Variants in MLLT10 observed in about 807,000 individuals in gnomAD.
The protein encoded by MLLT10 is MLLT10 histone lysine methyltransferase DOT1L cofactor.
A neutral mutation model predicts 129.1 loss-of-function variants in MLLT10; 30 were observed. That is an observed-to-expected ratio of 0.23 (90% CI 0.17 to 0.32). The LOEUF (loss-of-function observed/expected upper bound fraction) is 0.32, where lower values mean the gene tolerates loss of function less well. Among genes scored for constraint, MLLT10 ranks in the 10% least tolerant of loss-of-function variants. The pLI is 1.00. For missense variants in MLLT10, 1,119 were observed against 1,268.3 expected, an observed-to-expected ratio of 0.88 and a Z score of 1.79; for synonymous variants, 490 against 446.4, an observed-to-expected ratio of 1.10 and a Z score of -1.23.
chr10:21,623,774 C>G (rs1564528063), intron 8 of MLLT10, among the ~76,000 whole-genome samples: 1 of 152,174 alleles, frequency 6.6e-6, no homozygotes, highest in Non-Finnish European at 1.5e-5. Flanking sequence ...CTATCCCACT[C>G]AATCTGAAAA....
intron 21 of MLLT10, among the ~76,000 whole-genome samples, chr10:21,735,641 AG>A (rs919892868): frequency 6.6e-6 from 1 of 152,296 alleles, no homozygotes; most frequent in East Asian, 1.9e-4. Context: ...CGCCTCTGCA[AG>A]GGGGGTGACT....
intron 10 of MLLT10, 119 bp from the exon 11 acceptor site, chr10:21,673,222 GTTAATTTTT>G (rs1195248726): frequency 1.8e-6 from 1 of 544,148 alleles, no homozygotes; most frequent in East Asian, 3.1e-5. Flanking sequence ...AAGTGTTGTA[GTTAATTTTT>G]TTAAACTCTT....
intron 8 of MLLT10, among the ~76,000 whole-genome samples, chr10:21,631,919 AGTTTTTTTTTTG>A (rs1406569487): frequency 7.5e-6 from 1 of 134,146 alleles, no homozygotes; most frequent in East Asian, 2.1e-4. Flanking sequence ...CAACTTGAAG[AGTTTTTTTTTTG>A]GTTTTTTTTT....
intron 3 of MLLT10, among the ~76,000 whole-genome samples, chr10:21,542,579 A>G (rs2035371227): frequency 6.6e-6 from 1 of 152,080 alleles, no homozygotes; most frequent in African/African-American, 2.4e-5. Context: ...AAAAAAATAT[A>G]TATATATTAG....
intron 3 of MLLT10, among the ~76,000 whole-genome samples, chr10:21,547,295 C>A (rs1380722876): frequency 2.0e-5 from 3 of 152,096 alleles, no homozygotes; most frequent in African/African-American, 4.8e-5. Context: ...GTCTTAATAT[C>A]TGTACTCCGT....
At position 21,740,137 on chromosome 10, in the gene MLLT10, A is replaced by G. The variant is rs2058707792; in HGVS notation, c.3063A>G (p.Ile1021Met). The G allele has an allele frequency of 6.2e-7, 1 of 1,614,038 alleles. No homozygotes were observed. The highest frequency in any genetic ancestry group is 1.7e-5 in the Admixed American group (1 of 59,986). The change falls in exon 22 of 23, where the codon ATA becomes ATG. Residue 1021 changes from isoleucine (I) to methionine (M), a missense_variant. This residue lies in a region of MLLT10 where 1,004 missense variants were observed against 1,008.7 expected (regional missense o/e 1.00). Transcript: ENST00000307729. ...LQIPGPTQIP[I>M]NNLLAGTQAP... ...TCCCTGGACCAACACAAATACCCAT[A>G]AACAACCTTCTTGCAGGTACACAGG...
chr10:21,695,061 C>CTTTTTTTTTTTTTTTTTTTTTTTT (rs71393922), intron 13 of MLLT10, among the ~76,000 whole-genome samples: 2 of 104,036 alleles, frequency 1.9e-5, no homozygotes. Flanking sequence ...TTTCTACCTT[C>CTTTTTTTTTTTTTTTTTTTTTTTT]TTTTTTTTTT....
chr10:21,690,267 A>G (rs924662492), intron 13 of MLLT10, among the ~76,000 whole-genome samples: 9 of 152,160 alleles, frequency 5.9e-5, no homozygotes, highest in African/African-American at 2.2e-4. Flanking sequence ...GAAGAGATCA[A>G]GTGAACATGT....
At chr10:21,574,687 C>T (rs1465325018) in intron 3 of MLLT10, among the ~76,000 whole-genome samples, 1 of 152,082 alleles carries the variant, frequency 6.6e-6, no homozygotes, top group African/African-American at 2.4e-5. Flanking sequence ...TGGTTCCTCC[C>T]CTTTTTAGAC....
intron 8 of MLLT10, among the ~76,000 whole-genome samples, chr10:21,649,700 G>A (rs2048837901): frequency 6.6e-6 from 1 of 152,214 alleles, no homozygotes; most frequent in Admixed American, 6.5e-5. Context: ...TGAGTAGAGT[G>A]TGGAATGATT....
At chr10:21,605,847 A>C (rs559401917) in intron 5 of MLLT10, among the ~76,000 whole-genome samples, 1 of 152,296 alleles carries the variant, frequency 6.6e-6, no homozygotes, top group Admixed American at 6.5e-5. Context: ...TAAGATGTAT[A>C]AGCATATCTT....
intron 9 of MLLT10, among the ~76,000 whole-genome samples, chr10:21,657,891 T>C (rs140069635): frequency 2.0e-5 from 3 of 152,282 alleles, no homozygotes; most frequent in African/African-American, 4.8e-5. Flanking sequence ...TTAAAAATTT[T>C]AATGTTTCTT....
chr10:21,590,086 G>A (rs1183281516), intron 4 of MLLT10, among the ~76,000 whole-genome samples: 1 of 151,968 alleles, frequency 6.6e-6, no homozygotes, highest in Non-Finnish European at 1.5e-5. Context: ...GGCACACCAT[G>A]CCTGGCTAAT....
intron 3 of MLLT10, among the ~76,000 whole-genome samples, chr10:21,584,610 G>A (rs1249136926): frequency 1.3e-5 from 2 of 151,910 alleles, no homozygotes; most frequent in Admixed American, 6.6e-5. Context: ...CACTGCACCC[G>A]GCCTCATTAG....
chr10:21,682,283 G>A, intron 13 of MLLT10, 26 bp downstream of exon 13: 1 of 1,602,426 alleles, frequency 6.2e-7, no homozygotes, highest in Non-Finnish European at 8.5e-7. Context: ...ATCTTCTCTA[G>A]TGGTTCGTTT....
intron 8 of MLLT10, among the ~76,000 whole-genome samples, chr10:21,651,144 TCACCA>T: frequency 6.6e-6 from 1 of 152,300 alleles, no homozygotes; most frequent in Non-Finnish European, 1.5e-5. Flanking sequence ...CGATCTTGGC[TCACCA>T]CAACCTCCGC....
Position 21,733,537 on chromosome 10 carries a change from G to A in MLLT10, c.2441G>A (p.Ser814Asn). 4 of 1,572,292 alleles carry A rather than the reference G, an allele frequency of 2.5e-6. No individual in the cohort carries two copies. The highest frequency in any genetic ancestry group is 1.2e-5 in the South Asian group (1 of 83,392). The change falls in exon 19 of 23, where the codon AGC (serine) becomes AAC (asparagine). Residue 814 changes from serine to asparagine, a missense_variant. Physicochemically the swap from Ser to Asn is conservative, Grantham distance 46. Coordinates refer to ENST00000307729, the MANE Select transcript of MLLT10 (RefSeq NM_001195626.3). ...ACTGATTCCTTGAACAGCAGTAAGAGCCCTCATATAGGAAACAGCTTTTTA... is the reference window on the plus strand; with the variant it reads ...ACTGATTCCTTGAACAGCAGTAAGAACCCTCATATAGGAAACAGCTTTTTA... ...PTTDSLNSSK[S>N]PHIGNSFLPD...
At chr10:21,675,659 T>G (rs2052015168) in intron 11 of MLLT10, among the ~76,000 whole-genome samples, 2 of 152,184 alleles carry the variant, frequency 1.3e-5, no homozygotes, top group Non-Finnish European at 2.9e-5. Flanking sequence ...AGTCAAAAAA[T>G]TGAATTTCTC....
chr10:21,741,359 G>C (rs1052651574), intron 22 of MLLT10, among the ~76,000 whole-genome samples: 2 of 152,162 alleles, frequency 1.3e-5, no homozygotes, highest in African/African-American at 4.8e-5. Context: ...AATATGAAAT[G>C]TATTTAATGG....
Sources: allele counts gnomAD v4.1 joint callset (sites outside exome capture counted in the v4.1 genomes callset), GRCh38; gene constraint gnomAD v4.1.1; regional missense constraint gnomAD v4.1.1; transcripts MANE v1.5; gene names NCBI Gene and HGNC (gene_info 2026-07-23, HGNC 2026-07-21).